RAPGEF5: variants seen among roughly 807,000 people sequenced by gnomAD.
RAPGEF5 encodes the protein M-Ras-regulated GEF.
Under a neutral mutation model 125.2 loss-of-function variants are expected in RAPGEF5, and 65 were observed. That is an observed-to-expected ratio of 0.52 (90% CI 0.43 to 0.64). The LOEUF (loss-of-function observed/expected upper bound fraction) is 0.64, where lower values mean the gene tolerates loss of function less well. RAPGEF5 is among the 30% of genes least tolerant of loss of function. RAPGEF5 has a pLI of 0.00. For synonymous variants in RAPGEF5, 391 were observed against 385.9 expected (o/e 1.01, Z -0.16); for missense variants, 958 against 1,048.1 (o/e 0.91, Z 1.19).
chr7:22,157,631 G>T (rs1783850692), intron 15 of RAPGEF5, among the ~76,000 whole-genome samples: 1 of 152,184 alleles, frequency 6.6e-6, no homozygotes, highest in South Asian at 2.1e-4. Context: ...AAAATCAGCA[G>T]AATGTCAAAA....
intron 21 of RAPGEF5, among the ~76,000 whole-genome samples, chr7:22,137,257 T>G (rs897118187): frequency 4.6e-5 from 7 of 152,200 alleles, no homozygotes; most frequent in African/African-American, 7.2e-5. Context: ...TGGTGGTCAT[T>G]TAATAAAAAC....
At chr7:22,257,097 C>T (rs1327556909) in intron 7 of RAPGEF5, among the ~76,000 whole-genome samples, 1 of 152,162 alleles carries the variant, frequency 6.6e-6, no homozygotes, top group Non-Finnish European at 1.5e-5. Flanking sequence ...TTAATAACCT[C>T]TTGCAGTTAG....
At chr7:22,315,910 T>C (rs1783579275) in intron 2 of RAPGEF5, among the ~76,000 whole-genome samples, 2 of 152,126 alleles carry the variant, frequency 1.3e-5, no homozygotes, top group Admixed American at 1.3e-4. Context: ...GAAAAACAAT[T>C]TTCTTCCCTA....
At chr7:22,262,452 A>G (rs1305222338) in intron 7 of RAPGEF5, among the ~76,000 whole-genome samples, 2 of 152,208 alleles carry the variant, frequency 1.3e-5, no homozygotes, top group African/African-American at 2.4e-5. Context: ...AATCTGAGAG[A>G]CTTTGGAGCA....
chr7:22,324,216 C>T (rs911122214), intron 1 of RAPGEF5, among the ~76,000 whole-genome samples: 3 of 152,096 alleles, frequency 2.0e-5, no homozygotes, highest in South Asian at 2.1e-4. Flanking sequence ...AAAATGCATA[C>T]CTGAATATAA....
chr7:22,315,081 C>G (rs533303103), intron 3 of RAPGEF5, among the ~76,000 whole-genome samples: 1 of 152,158 alleles, frequency 6.6e-6, no homozygotes, highest in Non-Finnish European at 1.5e-5. Flanking sequence ...CCCCCTCACC[C>G]GCTGCAAAAT....
intron 1 of RAPGEF5, among the ~76,000 whole-genome samples, chr7:22,340,019 T>A (rs1412809519): frequency 1.3e-5 from 2 of 152,012 alleles, no homozygotes; most frequent in African/African-American, 4.8e-5. Flanking sequence ...CTAAAAAAAA[T>A]TAATAGATTG....
At chr7:22,277,313 T>C (rs1782579531) in intron 6 of RAPGEF5, among the ~76,000 whole-genome samples, 1 of 152,224 alleles carries the variant, frequency 6.6e-6, no homozygotes, top group Non-Finnish European at 1.5e-5. Context: ...TGTATTAGAA[T>C]CAGGAGATTA....
Position 22,150,277 on chromosome 7 carries a change from C to T in RAPGEF5, c.1884+130G>A, listed in dbSNP as rs1005604397. On this transcript the variant is annotated intron_variant, in intron 18 of 25. Transcript: ENST00000665637. ...TTTTTTGTAGAGACAGGGTTGCAAA[C>T]TTCTAAGCTGGTCTCAAACTTCTGA... 355 of 877,500 alleles carry T rather than the reference C, an allele frequency of 4.0e-4. 4 individuals carry two copies. The highest frequency in any genetic ancestry group is 1.3e-4 in the Admixed American group (5 of 38,398). 54.4% of individuals were successfully genotyped at this position (877,500 alleles called of 1,614,324 possible). A position where few individuals can be genotyped will look rare whatever the true frequency, so the allele number is the denominator to read the frequency against.
chr7:22,288,056 A>G (rs1782839794), intron 6 of RAPGEF5, among the ~76,000 whole-genome samples: 1 of 152,202 alleles, frequency 6.6e-6, no homozygotes. Context: ...TCAGTCTTTT[A>G]GCCTGGGGAT....
chr7:22,216,999 TC>T (rs1785653671), intron 9 of RAPGEF5, among the ~76,000 whole-genome samples: 1 of 152,252 alleles, frequency 6.6e-6, no homozygotes, highest in Non-Finnish European at 1.5e-5. Context: ...CAAATTTATG[TC>T]TTTGCCTGTG....
At chr7:22,235,593 G>A (rs772947302) in intron 7 of RAPGEF5, among the ~76,000 whole-genome samples, 5 of 152,156 alleles carry the variant, frequency 3.3e-5, no homozygotes, top group African/African-American at 1.2e-4. Flanking sequence ...GTACTAGGTC[G>A]GAATCTTTTA....
chr7:22,193,617 C>G, intron 10 of RAPGEF5, 162 bp from the exon 11 acceptor site: 1 of 1,550,884 alleles, frequency 6.4e-7, no homozygotes, highest in Non-Finnish European at 8.7e-7. Flanking sequence ...CGGAATCTTT[C>G]CTCTCCAAAT....
intron 18 of RAPGEF5, among the ~76,000 whole-genome samples, chr7:22,149,593 T>A (rs969162241): frequency 6.6e-6 from 1 of 152,166 alleles, no homozygotes; most frequent in African/African-American, 2.4e-5. Context: ...TAACTTAAAG[T>A]GTGGGTTCTA....
intron 5 of RAPGEF5, among the ~76,000 whole-genome samples, chr7:22,299,507 T>C (rs1252515260): frequency 6.6e-6 from 1 of 152,178 alleles, no homozygotes; most frequent in Non-Finnish European, 1.5e-5. Flanking sequence ...CTTTCAATAG[T>C]CATATATATT....
chr7:22,207,470 G>T (rs1785422480), intron 9 of RAPGEF5, among the ~76,000 whole-genome samples: 1 of 152,142 alleles, frequency 6.6e-6, no homozygotes, highest in Non-Finnish European at 1.5e-5. Context: ...GCCAGGGGGT[G>T]GGGGGAGGAA....
At chr7:22,243,339 C>A (rs1270345270) in intron 7 of RAPGEF5, among the ~76,000 whole-genome samples, 2 of 152,184 alleles carry the variant, frequency 1.3e-5, no homozygotes, top group Admixed American at 6.5e-5. Flanking sequence ...TCACTGCAAC[C>A]ACTGTCTCCC....
chr7:22,214,565 A>G lies in RAPGEF5; in HGVS notation c.996+5301T>C, dbSNP rs537137987. 2.0e-4 allele frequency among the ~76,000 whole-genome samples: 31 copies of G among 152,344 alleles called. No individual in the cohort carries two copies. In the East Asian group the frequency reaches 6.0e-3, roughly 29 times the overall value. On this transcript the variant is annotated intron_variant, in intron 9 of 25. Transcript: ENST00000665637. Reference sequence around the variant, plus strand: ...CTATATTCCTGGAAATAGGACCCACATCCATCTAGTCATATACTTTGATGT... The same window carrying G: ...CTATATTCCTGGAAATAGGACCCACGTCCATCTAGTCATATACTTTGATGT...
At chr7:22,242,589 G>GATC (rs1219924564) in intron 7 of RAPGEF5, among the ~76,000 whole-genome samples, 1 of 152,162 alleles carries the variant, frequency 6.6e-6, no homozygotes, top group Admixed American at 6.5e-5. Context: ...GGGAATGAGC[G>GATC]ATCCAAAAGT....
Sources: allele counts gnomAD v4.1 joint callset (sites outside exome capture counted in the v4.1 genomes callset), GRCh38; gene constraint gnomAD v4.1.1; transcripts MANE v1.5; gene names NCBI Gene and HGNC (gene_info 2026-07-23, HGNC 2026-07-21).